ADIPOR2: variants seen among roughly 807,000 people sequenced by gnomAD.
The protein encoded by ADIPOR2 is adiponectin receptor 2, also known as adiponectin receptor protein 2.
In ADIPOR2, 18 loss-of-function variants were observed where a neutral mutation model predicts 40.9. That is an observed-to-expected ratio of 0.44 (90% CI 0.30 to 0.65). The LOEUF (loss-of-function observed/expected upper bound fraction) is 0.65, where lower values mean the gene tolerates loss of function less well. ADIPOR2 is among the 30% of genes least tolerant of loss of function. The probability of loss-of-function intolerance (pLI) is 0.09; values close to 1 mark genes in which losing one functional copy is unlikely to be tolerated. For synonymous variants in ADIPOR2, 165 were observed against 166.4 expected (o/e 0.99, Z 0.06); for missense variants, 283 against 479.2 (o/e 0.59, Z 3.82).
At chr12:1,699,345 C>T (rs765466830) in intron 1 of ADIPOR2, among the ~76,000 whole-genome samples, 16 of 152,078 alleles carry the variant, frequency 1.1e-4, no homozygotes, top group Non-Finnish European at 2.2e-4. Flanking sequence ...ATGCTGGGTG[C>T]GGTCGCTCAG....
chr12:1,714,097 A>G (rs2094683057), intron 1 of ADIPOR2, among the ~76,000 whole-genome samples: 1 of 152,094 alleles, frequency 6.6e-6, no homozygotes, highest in African/African-American at 2.4e-5. Flanking sequence ...TTGCCTTGGC[A>G]TAGTGGACAT....
intron 1 of ADIPOR2, among the ~76,000 whole-genome samples, chr12:1,717,866 T>G (rs910660107): frequency 6.6e-6 from 1 of 152,208 alleles, no homozygotes; most frequent in Non-Finnish European, 1.5e-5. Flanking sequence ...GCTGGATTGC[T>G]GGTCTCTAGA....
At chr12:1,744,476 T>C (rs903535432) in intron 1 of ADIPOR2, among the ~76,000 whole-genome samples, 1 of 152,074 alleles carries the variant, frequency 6.6e-6, no homozygotes, top group Admixed American at 6.6e-5. Context: ...GTTGGAACTA[T>C]AGGCGCGTAC....
At chr12:1,730,681 G>C (rs1204902481) in intron 1 of ADIPOR2, 2 of 150,482 alleles carry the variant, frequency 1.3e-5, no homozygotes, top group Non-Finnish European at 3.0e-5. Flanking sequence ...GTAGAAACCA[G>C]CTCTCTATAT....
intron 1 of ADIPOR2, chr12:1,697,072 G>A (rs530445708): frequency 1.3e-5 from 2 of 152,346 alleles, no homozygotes; most frequent in African/African-American, 2.4e-5. Context: ...TTTGCCCAAA[G>A]GCATAGAAGT....
rs1181389497 is a variant in ADIPOR2, at chr12:1,728,608, C to T, written c.-86-25650C>T. Among the ~76,000 whole-genome samples the T allele has an allele frequency of 3.3e-5, 5 of 151,828 alleles. No homozygotes were observed. The East Asian group carries it at 9.9e-4, about 30-fold the overall frequency. ...GCGTGGTGGTGGGCGCCTGTAATCC[C>T]AGCTACTCCGGAGGCTGAAGCAGGA... On this transcript the variant is annotated intron_variant, in intron 1 of 7. Coordinates refer to ENST00000357103, the MANE Select transcript of ADIPOR2 (RefSeq NM_024551.3).
intron 1 of ADIPOR2, among the ~76,000 whole-genome samples, chr12:1,703,844 G>A (rs2094655973): frequency 6.6e-6 from 1 of 152,024 alleles, no homozygotes. Context: ...CTCTGTAGTA[G>A]CTAAGACTAG....
At chr12:1,748,955 A>AAC in intron 1 of ADIPOR2, among the ~76,000 whole-genome samples, 1 of 151,978 alleles carries the variant, frequency 6.6e-6, no homozygotes, top group Non-Finnish European at 1.5e-5. Flanking sequence ...CTACTCCCCT[A>AAC]ACACACACAC....
intron 1 of ADIPOR2, among the ~76,000 whole-genome samples, chr12:1,744,279 T>C (rs1015253610): frequency 3.3e-5 from 5 of 152,040 alleles, no homozygotes; most frequent in Non-Finnish European, 5.9e-5. Flanking sequence ...TGATTTTTTG[T>C]ATTTTTAGTA....
At chr12:1,692,329 G>C (rs990512899) in intron 1 of ADIPOR2, among the ~76,000 whole-genome samples, 3 of 152,052 alleles carry the variant, frequency 2.0e-5, no homozygotes, top group African/African-American at 7.2e-5. Flanking sequence ...CTCCTTAAAC[G>C]ACTCTTAGGT....
intron 2 of ADIPOR2, among the ~76,000 whole-genome samples, chr12:1,754,815 C>A (rs1272633039): frequency 6.6e-6 from 1 of 151,752 alleles, no homozygotes; most frequent in Non-Finnish European, 1.5e-5. Flanking sequence ...TCGCTGCAAC[C>A]TCCGCCTCCT....
chr12:1,730,468 T>G (rs1475603928), intron 1 of ADIPOR2, among the ~76,000 whole-genome samples: 1 of 150,448 alleles, frequency 6.6e-6, no homozygotes, highest in Non-Finnish European at 1.5e-5. Flanking sequence ...ATACAAAAAA[T>G]TAGCTGGGCG....
chr12:1,719,233 T>C (rs1453963103), intron 1 of ADIPOR2, among the ~76,000 whole-genome samples: 5 of 152,236 alleles, frequency 3.3e-5, no homozygotes. Flanking sequence ...ATTCTTTTTA[T>C]TGCTTCTGGA....
intron 1 of ADIPOR2, among the ~76,000 whole-genome samples, chr12:1,728,455 G>C (rs371234039): frequency 1.3e-5 from 2 of 151,942 alleles, no homozygotes; most frequent in African/African-American, 4.8e-5. Context: ...GGGCGCAGTG[G>C]CTCACGCCTG....
intron 1 of ADIPOR2, among the ~76,000 whole-genome samples, chr12:1,738,049 T>G (rs1304973107): frequency 6.6e-6 from 1 of 152,052 alleles, no homozygotes; most frequent in Non-Finnish European, 1.5e-5. Context: ...TTTTAATGTG[T>G]TACTCTCTTG....
chr12:1,726,365 T>G (rs2094707998), intron 1 of ADIPOR2, among the ~76,000 whole-genome samples: 1 of 152,080 alleles, frequency 6.6e-6, no homozygotes, highest in African/African-American at 2.4e-5. Flanking sequence ...AGCCAGCTAA[T>G]TTTTGTATTT....
At chr12:1,729,797 G>A (rs1176471844) in intron 1 of ADIPOR2, among the ~76,000 whole-genome samples, 2 of 151,974 alleles carry the variant, frequency 1.3e-5, no homozygotes, top group Non-Finnish European at 2.9e-5. Flanking sequence ...TTAGAGAAAT[G>A]TCATTTATGT....
At chr12:1,779,481 A>G (rs1370868655) in intron 4 of ADIPOR2, among the ~76,000 whole-genome samples, 2 of 152,180 alleles carry the variant, frequency 1.3e-5, no homozygotes, top group Non-Finnish European at 2.9e-5. Context: ...ATCCATAAAG[A>G]CAGTAGATTA....
intron 1 of ADIPOR2, among the ~76,000 whole-genome samples, chr12:1,752,372 T>G (rs772041528): frequency 6.6e-6 from 1 of 151,900 alleles, no homozygotes; most frequent in Admixed American, 6.6e-5. Context: ...GTGCTGGGAT[T>G]ACAGGCATGA....
Sources: gnomAD v4.1 joint callset for allele counts (sites outside exome capture counted in the v4.1 genomes callset) on GRCh38, gnomAD v4.1.1 for gene constraint, MANE v1.5 for transcripts, NCBI Gene and HGNC (gene_info 2026-07-23, HGNC 2026-07-21) for gene names.